The following PTPRD variants were observed in gnomAD, a reference collection of about 807,000 sequenced individuals.
PTPRD encodes protein tyrosine phosphatase receptor type D.
PTPRD carries 34 observed loss-of-function variants against 214.5 expected under a neutral mutation model. The observed-to-expected ratio is 0.16, with a 90% confidence interval of 0.12 to 0.21. The LOEUF (loss-of-function observed/expected upper bound fraction) is 0.21. Among genes scored for constraint, PTPRD ranks in the 10% least tolerant of loss-of-function variants. The probability of loss-of-function intolerance (pLI) is 1.00; values close to 1 mark genes in which losing one functional copy is unlikely to be tolerated. For missense variants in PTPRD, 2,545 were observed against 2,398.7 expected, an observed-to-expected ratio of 1.06 and a Z score of -1.27; for synonymous variants, 1,128 against 845.7, an observed-to-expected ratio of 1.33 and a Z score of -5.79.
At chr9:8,585,346 G>A (rs1374615513) in intron 14 of PTPRD, among the ~76,000 whole-genome samples, 3 of 151,930 alleles carry the variant, frequency 2.0e-5, no homozygotes, top group Non-Finnish European at 4.4e-5. Flanking sequence ...CAGTCTCCTG[G>A]GTCAGTTTCC....
intron 14 of PTPRD, among the ~76,000 whole-genome samples, chr9:8,558,308 C>T (rs562714995): frequency 2.0e-5 from 3 of 152,266 alleles, no homozygotes; most frequent in African/African-American, 7.2e-5. Context: ...TCAGCCTTGC[C>T]AGGAAGAATA....
intron 3 of PTPRD, among the ~76,000 whole-genome samples, chr9:10,222,032 A>C (rs2154349725): frequency 6.6e-6 from 1 of 152,170 alleles, no homozygotes; most frequent in African/African-American, 2.4e-5. Context: ...AAAAAATGCC[A>C]GCTAAACTTT....
At chr9:9,947,597 A>AT (rs1491107789) in intron 4 of PTPRD, among the ~76,000 whole-genome samples, 1 of 41,786 alleles carries the variant, frequency 2.4e-5, no homozygotes, top group African/African-American at 1.8e-4. Flanking sequence ...TATATATATA[A>AT]TATATATATT....
At chr9:10,494,111 A>G (rs1019844221) in intron 2 of PTPRD, among the ~76,000 whole-genome samples, 1 of 151,918 alleles carries the variant, frequency 6.6e-6, no homozygotes, top group African/African-American at 2.4e-5. Flanking sequence ...TGTGATTTAT[A>G]CCTCCAACTC....
chr9:10,487,361 T>C (rs2099139398), intron 2 of PTPRD, among the ~76,000 whole-genome samples: 1 of 152,202 alleles, frequency 6.6e-6, no homozygotes, highest in African/African-American at 2.4e-5. Flanking sequence ...TGTTTTCTGA[T>C]CTTCTCTTCC....
At chr9:10,300,289 C>A (rs569321040) in intron 3 of PTPRD, among the ~76,000 whole-genome samples, 10 of 152,224 alleles carry the variant, frequency 6.6e-5, no homozygotes, top group Non-Finnish European at 1.2e-4. Context: ...CCCTCTGGTG[C>A]CTATGCCACC....
intron 3 of PTPRD, among the ~76,000 whole-genome samples, chr9:10,059,218 A>G (rs1334823324): frequency 6.6e-6 from 1 of 152,022 alleles, no homozygotes; most frequent in Non-Finnish European, 1.5e-5. Context: ...GGAAAAGGGG[A>G]TTAGTTTAGA....
At chr9:8,688,619 G>A (rs577403407) in intron 12 of PTPRD, among the ~76,000 whole-genome samples, 7 of 149,970 alleles carry the variant, frequency 4.7e-5, no homozygotes, top group African/African-American at 1.7e-4. Context: ...ATAGCAATAA[G>A]TTATAAAAAA....
chr9:9,961,767 A>T (rs2094382885), intron 4 of PTPRD, among the ~76,000 whole-genome samples: 1 of 152,108 alleles, frequency 6.6e-6, no homozygotes, highest in Admixed American at 6.6e-5. Context: ...AAACATGATG[A>T]TCAATTATAA....
chr9:9,845,176 ATATATTG>A (rs1448674630), intron 5 of PTPRD, among the ~76,000 whole-genome samples: 408 of 35,266 alleles, frequency 0.012, 15 homozygotes, highest in African/African-American at 0.038. Flanking sequence ...ATATATATAT[ATATATTG>A]CTCTATATAT....
chr9:9,721,042 T>C (rs1403097807), intron 7 of PTPRD, among the ~76,000 whole-genome samples: 15 of 152,138 alleles, frequency 9.9e-5, no homozygotes, highest in Admixed American at 9.8e-4. Context: ...GGTACGAGGC[T>C]TAGTACCTAG....
intron 2 of PTPRD, among the ~76,000 whole-genome samples, chr9:10,430,098 T>C (rs2098663388): frequency 6.6e-6 from 1 of 151,958 alleles, no homozygotes; most frequent in South Asian, 2.1e-4. Context: ...TGCCTCAGCT[T>C]GAGTAAATGT....
chr9:10,220,464 G>T (rs1455734680), intron 3 of PTPRD, among the ~76,000 whole-genome samples: 1 of 151,864 alleles, frequency 6.6e-6, no homozygotes, highest in Non-Finnish European at 1.5e-5. Flanking sequence ...TATCTCTAGA[G>T]TCCAGTTCTT....
chr9:10,563,270 C>A (rs1176651555), intron 2 of PTPRD, among the ~76,000 whole-genome samples: 1 of 152,140 alleles, frequency 6.6e-6, no homozygotes, highest in Non-Finnish European at 1.5e-5. Flanking sequence ...GAAAGGAATC[C>A]TTTCCTTTTG....
chr9:8,920,521 C>A (rs543761242), intron 11 of PTPRD, among the ~76,000 whole-genome samples: 1 of 152,234 alleles, frequency 6.6e-6, no homozygotes, highest in African/African-American at 2.4e-5. Flanking sequence ...CTGGGCCACA[C>A]TGGAAGAAGA....
intron 8 of PTPRD, among the ~76,000 whole-genome samples, chr9:9,559,315 A>G (rs1403138549): frequency 6.6e-6 from 1 of 152,192 alleles, no homozygotes; most frequent in Non-Finnish European, 1.5e-5. Flanking sequence ...GTTACCCATG[A>G]ACACACCCAT....
chr9:10,149,303 G>A (rs1366992077), intron 3 of PTPRD, among the ~76,000 whole-genome samples: 1 of 152,152 alleles, frequency 6.6e-6, no homozygotes, highest in African/African-American at 2.4e-5. Context: ...TTTGCTACTA[G>A]GGGCATAAAC....
intron 4 of PTPRD, among the ~76,000 whole-genome samples, chr9:10,010,308 A>C (rs1049515341): frequency 6.6e-6 from 1 of 151,950 alleles, no homozygotes; most frequent in African/African-American, 2.4e-5. Context: ...ATTTTCTCAA[A>C]ATGCATTAAG....
At chr9:9,645,591 C>T (rs932336118) in intron 7 of PTPRD, among the ~76,000 whole-genome samples, 2 of 151,642 alleles carry the variant, frequency 1.3e-5, no homozygotes, top group African/African-American at 4.8e-5. Context: ...TTTCTGATGT[C>T]TTCAATGGCT....
Sources: gnomAD v4.1 joint callset for allele counts (sites outside exome capture counted in the v4.1 genomes callset) on GRCh38, gnomAD v4.1.1 for gene constraint, MANE v1.5 for transcripts, NCBI Gene and HGNC (gene_info 2026-07-23, HGNC 2026-07-21) for gene names.